WDR44: variants seen among roughly 807,000 people sequenced by gnomAD.
WDR44 encodes WD repeat domain 44.
In WDR44, 9 loss-of-function variants were observed where a neutral mutation model predicts 65.7. That is an observed-to-expected ratio of 0.14 (90% CI 0.08 to 0.24). The LOEUF is 0.24. Ranked by LOEUF, WDR44 falls within the 10% of genes least tolerant of loss-of-function variation. WDR44 has a pLI of 1.00. For synonymous variants in WDR44, 220 were observed against 235.2 expected (o/e 0.94, Z 0.59); for missense variants, 425 against 670.9 (o/e 0.63, Z 4.05).
At chrX:118,347,011 G>T (rs1288972104) in intron 1 of WDR44, among the ~76,000 whole-genome samples, 1 of 111,696 alleles carries the variant, frequency 9.0e-6, no homozygotes, top group Non-Finnish European at 1.9e-5. Flanking sequence ...CCCGTTTACC[G>T]CTAACTTACC....
intron 1 of WDR44, among the ~76,000 whole-genome samples, chrX:118,366,463 T>C (rs1409030559): frequency 4.5e-5 from 5 of 111,678 alleles, no homozygotes; most frequent in African/African-American, 1.6e-4. Context: ...ATCAACAAAA[T>C]TCAGACATGA....
intron 19 of WDR44, among the ~76,000 whole-genome samples, chrX:118,445,840 C>CAAA (rs1318758651): frequency 9.1e-6 from 1 of 110,433 alleles, no homozygotes; most frequent in Non-Finnish European, 1.9e-5. Flanking sequence ...CCATCCTGGC[C>CAAA]AACATGGTGA....
chrX:118,368,231 A>T (rs2682993), intron 1 of WDR44, among the ~76,000 whole-genome samples: 48,214 of 107,668 alleles, frequency 0.45, 11,411 homozygotes, highest in African/African-American at 0.87. Flanking sequence ...TTGCTTCCCA[A>T]GGAAAAATCA....
At chrX:118,396,750 ACT>A (rs1204689162) in intron 6 of WDR44, among the ~76,000 whole-genome samples, 4 of 111,531 alleles carry the variant, frequency 3.6e-5, no homozygotes, top group Non-Finnish European at 7.5e-5. Flanking sequence ...TAGTTGTACA[ACT>A]CTGTGAATAT....
chrX:118,438,573 C>T lies in WDR44; in HGVS notation c.1974+1749C>T, dbSNP rs1012423092. Among the ~76,000 whole-genome samples, 9 of 110,405 alleles carry T rather than the reference C, an allele frequency of 8.2e-5. No homozygotes were observed. In the East Asian group the frequency reaches 2.6e-3, roughly 31 times the overall value. ...TCAGCTCCCCAGGTAGCTGGGACTA[C>T]AGGCATGCACCACTATGCCTGCACT... On this transcript the variant is annotated intron_variant, in intron 14 of 19. Transcript: ENST00000254029.
chrX:118,432,041 A>G (rs766191524), intron 12 of WDR44, among the ~76,000 whole-genome samples: 35 of 111,882 alleles, frequency 3.1e-4, no homozygotes, highest in South Asian at 7.5e-4. Context: ...GTATGGCATT[A>G]TTTTCTACCT....
chrX:118,430,368 G>A (rs1352296100), intron 12 of WDR44, among the ~76,000 whole-genome samples: 3 of 97,064 alleles, frequency 3.1e-5, no homozygotes, highest in East Asian at 6.8e-4. Flanking sequence ...ATGGTGAAAC[G>A]CCGTCTCTAC....
rs1325318638 is a variant in WDR44, at chrX:118,449,499, T to C, written c.*512T>C. 3 of 111,731 alleles carry C rather than the reference T, an allele frequency of 2.7e-5. No homozygotes were observed. The highest frequency in any genetic ancestry group is 5.7e-5 in the Non-Finnish European group (3 of 53,087). The allele number at this position is 111,731 out of a possible 1,213,427, so 9.2% of individuals were successfully genotyped here. Reference sequence around the variant, plus strand: ...GGTTTCCAGTAGGTCAACAACCATATGTAAATGGTTTTTATAAATTTCTCA... The same window carrying C: ...GGTTTCCAGTAGGTCAACAACCATACGTAAATGGTTTTTATAAATTTCTCA... On this transcript the variant is annotated 3_prime_UTR_variant, in exon 20 of 20. Coordinates refer to ENST00000254029, the MANE Select transcript of WDR44 (RefSeq NM_019045.5).
chrX:118,348,493 T>C (rs2056373689), intron 1 of WDR44, among the ~76,000 whole-genome samples: 1 of 112,126 alleles, frequency 8.9e-6, no homozygotes, highest in African/African-American at 3.2e-5. Flanking sequence ...TTACTAAGTG[T>C]GTTGAGTTCT....
intron 1 of WDR44, among the ~76,000 whole-genome samples, chrX:118,348,974 A>G (rs2056377906): frequency 8.9e-6 from 1 of 112,456 alleles, no homozygotes; most frequent in African/African-American, 3.2e-5. Flanking sequence ...TTTGTTAATT[A>G]GCACAATCCT....
At chrX:118,368,120 A>G (rs1475442569) in intron 1 of WDR44, among the ~76,000 whole-genome samples, 1 of 111,459 alleles carries the variant, frequency 9.0e-6, no homozygotes, top group Non-Finnish European at 1.9e-5. Flanking sequence ...CCATCTAAGA[A>G]GGTTACTAAA....
intron 11 of WDR44, among the ~76,000 whole-genome samples, chrX:118,410,181 T>A (rs1249670022): frequency 8.9e-6 from 1 of 111,829 alleles, no homozygotes; most frequent in African/African-American, 3.2e-5. Context: ...GGGATTCTTT[T>A]CTAATAACTA....
intron 10 of WDR44, 66 bp downstream of exon 10, chrX:118,407,092 C>T (rs911214822): frequency 8.5e-6 from 9 of 1,056,999 alleles, no homozygotes; most frequent in Non-Finnish European, 1.0e-5. Flanking sequence ...TTGGCTTCTA[C>T]AAAACTATCT....
chrX:118,430,324 A>ACC (rs1474412494), intron 12 of WDR44, among the ~76,000 whole-genome samples: 236 of 92,934 alleles, frequency 2.5e-3, no homozygotes, highest in Middle Eastern at 0.015. Flanking sequence ...CTGGTGGATC[A>ACC]TGAGGTCAGG....
intron 8 of WDR44, 135 bp downstream of exon 8, chrX:118,398,605 A>T: frequency 1.4e-5 from 7 of 518,370 alleles, no homozygotes; most frequent in Non-Finnish European, 1.6e-5. Context: ...TCCCTCGCTG[A>T]TGGGTTATGA....
chrX:118,383,236 G>A (rs903044830), intron 2 of WDR44, among the ~76,000 whole-genome samples: 4 of 111,691 alleles, frequency 3.6e-5, no homozygotes, highest in African/African-American at 1.3e-4. Context: ...TAAAATAGAA[G>A]TCTGATCACT....
intron 1 of WDR44, among the ~76,000 whole-genome samples, chrX:118,369,530 C>T (rs1189832949): frequency 7.7e-5 from 7 of 91,163 alleles, no homozygotes; most frequent in South Asian, 6.3e-4. Flanking sequence ...AGTGCAGTGG[C>T]GGGATCTCGG....
chrX:118,359,966 G>T (rs184359865), intron 1 of WDR44, among the ~76,000 whole-genome samples: 236 of 112,056 alleles, frequency 2.1e-3, no homozygotes, highest in Non-Finnish European at 3.8e-3. Flanking sequence ...CTAGTTACCT[G>T]AGATTTTGGG....
In WDR44 at chrX:118,392,872, T is replaced by A. The variant is rs767361495; in HGVS notation, c.427T>A (p.Ser143Thr). The change falls in exon 4 of 20, where the codon TCT becomes ACT. Residue 143 changes from serine (S) to threonine (T), a missense_variant. Transcript: ENST00000254029. ...ATTAGAATTAAAAAAATGCTTTCCT[T>A]CTGATGAAACCTGTGAGAAACCAGT... ...TELELKKCFP[S>T]DETCEKPVDE... 4 of 1,210,729 alleles carry A rather than the reference T, an allele frequency of 3.3e-6. No individual in the cohort carries two copies. The highest frequency in any genetic ancestry group is 3.5e-5 in the African/African-American group (2 of 57,366).
Sources: gnomAD v4.1 joint callset for allele counts (sites outside exome capture counted in the v4.1 genomes callset) on GRCh38, gnomAD v4.1.1 for gene constraint, MANE v1.5 for transcripts, NCBI Gene and HGNC (gene_info 2026-07-23, HGNC 2026-07-21) for gene names.